Variants in GLDC observed in about 807,000 individuals in gnomAD.
The protein encoded by GLDC is glycine dehydrogenase (decarboxylating), mitochondrial.
A neutral mutation model predicts 121.3 loss-of-function variants in GLDC; 104 were observed. The ratio of observed to expected loss-of-function variants is 0.86; its 90% CI spans 0.73 to 1.01. The LOEUF is 1.01. Among genes scored for constraint, GLDC ranks in the 50% least tolerant of loss-of-function variants. The pLI is 0.00. For synonymous variants in GLDC, 546 were observed against 480.6 expected (o/e 1.14, Z -1.78); for missense variants, 1,429 against 1,306.6 (o/e 1.09, Z -1.44).
At chr9:6,548,176 A>G (rs1817436900) in intron 21 of GLDC, among the ~76,000 whole-genome samples, 1 of 152,226 alleles carries the variant, frequency 6.6e-6, no homozygotes, top group African/African-American at 2.4e-5. Context: ...AGGAGAAGAA[A>G]TACAGAAAAT....
intron 3 of GLDC, among the ~76,000 whole-genome samples, chr9:6,618,300 G>C (rs1330950131): frequency 6.6e-6 from 1 of 152,128 alleles, no homozygotes; most frequent in African/African-American, 2.4e-5. Context: ...CTCCTCCACA[G>C]TTAGACATTA....
chr9:6,552,028 G>C (rs1293535004), intron 20 of GLDC, among the ~76,000 whole-genome samples: 2 of 152,146 alleles, frequency 1.3e-5, no homozygotes, highest in African/African-American at 4.8e-5. Flanking sequence ...TAAGGATTTC[G>C]TGCAGGCTAG....
At chr9:6,589,916 G>T (rs181544786) in intron 11 of GLDC, among the ~76,000 whole-genome samples, 1 of 152,018 alleles carries the variant, frequency 6.6e-6, no homozygotes, top group East Asian at 1.9e-4. Context: ...TTAGCCGGTC[G>T]TGTTGGCGGG....
At chr9:6,607,751 C>T (rs577808599) in intron 4 of GLDC, among the ~76,000 whole-genome samples, 99 of 152,070 alleles carry the variant, frequency 6.5e-4, no homozygotes, top group African/African-American at 2.4e-3. Context: ...TCAAGTGCTC[C>T]TTCCACCTCA....
intron 2 of GLDC, among the ~76,000 whole-genome samples, chr9:6,620,834 G>C (rs530438297): frequency 2.6e-5 from 4 of 152,080 alleles, no homozygotes; most frequent in Non-Finnish European, 5.9e-5. Flanking sequence ...TTATAAAAAG[G>C]CCATCACTCA....
intron 15 of GLDC, among the ~76,000 whole-genome samples, chr9:6,567,019 T>C (rs1013532532): frequency 7.9e-5 from 12 of 152,176 alleles, no homozygotes; most frequent in Non-Finnish European, 1.6e-4. Flanking sequence ...AGTGCTGCTC[T>C]TCTGAGCACA....
rs574050566 is a variant in GLDC at position 6,593,134 on chromosome 9, T to A, written c.1262-144A>T. 287 of 752,736 alleles carry A rather than the reference T, an allele frequency of 3.8e-4. 2 individuals are homozygous for A. The African/African-American group carries it at 3.9e-3, about 10-fold the overall frequency. The allele number at this position is 752,736 out of a possible 1,614,324, so 46.6% of individuals were successfully genotyped here. ...CTTTGGTGATTGCTTTTTAAAAAAC[T>A]AAACATGTTTATTATCATGCTGTAG... is the stretch of plus-strand genomic sequence containing the variant. On this transcript the variant is annotated intron_variant, in intron 9 of 24. Coordinates refer to ENST00000321612, the MANE Select transcript of GLDC (RefSeq NM_000170.3).
chr9:6,635,204 C>T (rs374513287), intron 2 of GLDC, among the ~76,000 whole-genome samples: 2 of 152,192 alleles, frequency 1.3e-5, no homozygotes, highest in African/African-American at 4.8e-5. Context: ...CATCTTTTAC[C>T]TCCTGACTTT....
intron 2 of GLDC, among the ~76,000 whole-genome samples, chr9:6,632,547 A>G (rs1012315628): frequency 6.6e-6 from 1 of 152,272 alleles, no homozygotes; most frequent in African/African-American, 2.4e-5. Context: ...TTATCCGTAC[A>G]TCGTATAACT....
At chr9:6,615,240 A>G in intron 3 of GLDC, among the ~76,000 whole-genome samples, 1 of 152,164 alleles carries the variant, frequency 6.6e-6, no homozygotes, top group East Asian at 1.9e-4. Flanking sequence ...TTCATAAGAC[A>G]TTCAAAAACT....
At chr9:6,620,789 T>G (rs1819076500) in intron 2 of GLDC, among the ~76,000 whole-genome samples, 1 of 152,216 alleles carries the variant, frequency 6.6e-6, no homozygotes, top group Non-Finnish European at 1.5e-5. Flanking sequence ...TCTACTCAGT[T>G]GCACATTCCT....
At chr9:6,574,129 G>A (rs1818016962) in intron 15 of GLDC, among the ~76,000 whole-genome samples, 1 of 151,430 alleles carries the variant, frequency 6.6e-6, no homozygotes, top group African/African-American at 2.4e-5. Flanking sequence ...GGTATCAGAA[G>A]AGCGCCTCAG....
intron 2 of GLDC, among the ~76,000 whole-genome samples, chr9:6,632,940 G>A (rs146345232): frequency 6.6e-6 from 1 of 152,012 alleles, no homozygotes; most frequent in Admixed American, 6.6e-5. Flanking sequence ...CCTGCAGGCC[G>A]ATCGAGGGTC....
At chr9:6,594,825 AAG>A (rs1019541112) in intron 9 of GLDC, among the ~76,000 whole-genome samples, 187 bp downstream of exon 9, 1 of 152,026 alleles carries the variant, frequency 6.6e-6, no homozygotes, top group African/African-American at 2.4e-5. Flanking sequence ...GAAAGAAAGA[AAG>A]AAAGAAAAAG....
chr9:6,534,825 A>G (rs751620372), intron 23 of GLDC, 37 bp from the exon 24 acceptor site: 1 of 1,110,792 alleles, frequency 9.0e-7, no homozygotes, highest in Non-Finnish European at 1.4e-6. Flanking sequence ...GGGTCAGAGC[A>G]ATACACTCTC....
At chr9:6,596,201 A>C (rs1818491720) in intron 8 of GLDC, among the ~76,000 whole-genome samples, 1 of 152,216 alleles carries the variant, frequency 6.6e-6, no homozygotes, top group Admixed American at 6.5e-5. Context: ...CAGGCCTGAC[A>C]TTCACAGAAT....
chr9:6,616,193 G>A (rs969157754), intron 3 of GLDC, among the ~76,000 whole-genome samples: 1 of 152,178 alleles, frequency 6.6e-6, no homozygotes, highest in Non-Finnish European at 1.5e-5. Context: ...TATGCTGATA[G>A]ACCTTTCCTA....
At chr9:6,538,980 G>C (rs1164175773) in intron 22 of GLDC, among the ~76,000 whole-genome samples, 1 of 152,160 alleles carries the variant, frequency 6.6e-6, no homozygotes. Context: ...TCATTCAAGA[G>C]AGGAGTGAGT....
chr9:6,555,613 C>T (rs1817609901), intron 18 of GLDC, among the ~76,000 whole-genome samples: 1 of 151,692 alleles, frequency 6.6e-6, no homozygotes, highest in South Asian at 2.1e-4. Flanking sequence ...TACTAAAATA[C>T]AAAAATAAAA....
Sources: gnomAD v4.1 joint callset for allele counts (sites outside exome capture counted in the v4.1 genomes callset) on GRCh38, gnomAD v4.1.1 for gene constraint, MANE v1.5 for transcripts, NCBI Gene and HGNC (gene_info 2026-07-23, HGNC 2026-07-21) for gene names.